CACNA1A: variants seen among roughly 807,000 people sequenced by gnomAD.
The protein encoded by CACNA1A is voltage-dependent P/Q-type calcium channel subunit alpha-1A.
CACNA1A carries 57 observed loss-of-function variants against 262.4 expected under a neutral mutation model. The observed-to-expected ratio is 0.22, with a 90% CI of 0.18 to 0.27. The LOEUF (loss-of-function observed/expected upper bound fraction) is 0.27, where lower values mean the gene tolerates loss of function less well. Among genes scored for constraint, CACNA1A ranks in the 10% least tolerant of loss-of-function variants. The pLI is 1.00. For synonymous variants in CACNA1A, 1,431 were observed against 1,419.3 expected (o/e 1.01, Z -0.18); for missense variants, 2,526 against 3,562.8 (o/e 0.71, Z 7.41).
At chr19:13,297,500 C>T (rs2057688827) in intron 19 of CACNA1A, among the ~76,000 whole-genome samples, 1 of 152,102 alleles carries the variant, frequency 6.6e-6, no homozygotes, top group African/African-American at 2.4e-5. Context: ...AGAGCCAGGC[C>T]TCATTTCTAC....
chr19:13,298,509 C>A, intron 19 of CACNA1A, 35 bp downstream of exon 19: 2 of 1,499,298 alleles, frequency 1.3e-6, no homozygotes, highest in Non-Finnish European at 1.8e-6. Context: ...TTAATGTTAC[C>A]GTCATTCTGC....
intron 19 of CACNA1A, among the ~76,000 whole-genome samples, chr19:13,288,277 T>C (rs2144896442): frequency 6.6e-6 from 1 of 151,942 alleles, no homozygotes; most frequent in East Asian, 1.9e-4. Flanking sequence ...CCTCACTCTG[T>C]TGCCCAGGCT....
Position 13,277,128 on chromosome 19 carries a change from C to A in CACNA1A, c.3823G>T (p.Val1275Leu). 6.2e-7 allele frequency: 1 copy of A among 1,610,744 alleles called. No homozygotes were observed. Among genetic ancestry groups the A allele is most frequent in the Non-Finnish European group, 8.5e-7 (1 of 1,177,108 alleles). Residue 1275 changes from valine to leucine, a missense_variant and splice_region_variant, in exon 23 of 47, where the codon GTG becomes TTG. Transcript: ENST00000360228. ...AAAACGTAGTCAAAGTATCGCAGCA[C>A]CTGTAAGGGATAAAAGCAAGAGAGC... The part of the protein sequence containing the change: ...PVQPNAPRNN[V>L]LRYFDYVFTG...
intron 27 of CACNA1A, chr19:13,258,393 G>T (rs2056630186): frequency 6.6e-6 from 1 of 152,190 alleles, no homozygotes; most frequent in African/African-American, 2.4e-5. Flanking sequence ...AGTGCAGGTT[G>T]CACACTGCTC....
intron 24 of CACNA1A, 91 bp downstream of exon 24, chr19:13,275,759 G>A (rs1201682928): frequency 4.5e-6 from 4 of 879,398 alleles, no homozygotes; most frequent in Non-Finnish European, 7.5e-6. Context: ...CCCATCCCTA[G>A]ACCCTGAGAA....
At position 13,298,766 on chromosome 19, in the gene CACNA1A, C is replaced by G; in HGVS notation, c.2867G>C (p.Arg956Pro). The change falls in exon 19 of 47, where the codon CGA (arginine) becomes CCA (proline). Residue 956 changes from arginine to proline, a missense_variant. This residue lies in a region of CACNA1A where 765 missense variants were observed against 748.6 expected (regional missense o/e 1.02). Coordinates refer to ENST00000360228, the MANE Select transcript of CACNA1A (RefSeq NM_001127222.2). The stretch of plus-strand genomic sequence containing the variant: ...GGGCCTGCGGTGCGCGCGATGACGT[C>G]GATGCTCCCCGTCCGCGCCCGTGCG... ...SPRTGADGEH[R>P]RHRAHRRPGE... 5 of 1,520,648 alleles carry G rather than the reference C, an allele frequency of 3.3e-6. No homozygotes were observed. Among genetic ancestry groups the G allele is most frequent in the Middle Eastern group, 2.1e-4 (1 of 4,818 alleles). The allele number at this position is 1,520,648 out of a possible 1,614,324, so 94.2% of individuals were successfully genotyped here. A position where few individuals can be genotyped will look rare whatever the true frequency, so the allele number is the denominator to read the frequency against.
chr19:13,253,355 T>TAA, intron 29 of CACNA1A, among the ~76,000 whole-genome samples: 1 of 151,130 alleles, frequency 6.6e-6, no homozygotes, highest in Admixed American at 6.6e-5. Context: ...CTTCCTATTT[T>TAA]GCCCAGGCTG....
intron 2 of CACNA1A, among the ~76,000 whole-genome samples, chr19:13,453,600 T>A (rs1025744326): frequency 2.0e-5 from 3 of 152,254 alleles, no homozygotes; most frequent in Non-Finnish European, 4.4e-5. Context: ...AGGTTTGGAA[T>A]AGGACTTCTG....
chr19:13,312,262 A>T (rs575803523), intron 12 of CACNA1A, among the ~76,000 whole-genome samples: 2 of 152,248 alleles, frequency 1.3e-5, no homozygotes, highest in Non-Finnish European at 2.9e-5. Context: ...GTTGTAATCT[A>T]ACAATTATAC....
intron 24 of CACNA1A, among the ~76,000 whole-genome samples, chr19:13,269,858 G>A (rs1274064892): frequency 1.3e-5 from 2 of 152,198 alleles, no homozygotes; most frequent in Non-Finnish European, 2.9e-5. Context: ...CCCTTGGTGG[G>A]ACCACAGGGA....
chr19:13,449,068 G>A (rs536500096), intron 3 of CACNA1A, among the ~76,000 whole-genome samples: 4 of 151,978 alleles, frequency 2.6e-5, no homozygotes, highest in African/African-American at 7.2e-5. Flanking sequence ...CTGGGCTCAC[G>A]TGATCCTCCC....
At position 13,356,090 on chromosome 19, in the gene CACNA1A, G is replaced by C. The variant is rs189250555; in HGVS notation, c.978+3516C>G. The stretch of plus-strand genomic sequence containing the variant: ...AGTGCTAGAAAGCTACTCTGAGTTA[G>C]TGGTTAATAGCAGGGCCAGCGAGGG... On this transcript the variant is annotated intron_variant, in intron 6 of 46. Transcript: ENST00000360228. Among the ~76,000 whole-genome samples, 1,070 of 152,328 alleles carry C rather than the reference G, an allele frequency of 7.0e-3. 23 individuals carry two copies. Among genetic ancestry groups the C allele is most frequent in the Admixed American group, 0.047 (719 of 15,288 alleles).
At chr19:13,227,987 C>A (rs2055528708) in intron 36 of CACNA1A, among the ~76,000 whole-genome samples, 1 of 142,392 alleles carries the variant, frequency 7.0e-6, no homozygotes, top group Non-Finnish European at 1.5e-5. Context: ...GATCATAGCT[C>A]ACTGCAGCCT....
intron 3 of CACNA1A, among the ~76,000 whole-genome samples, chr19:13,402,697 CATAA>C (rs1036636162): frequency 2.5e-4 from 37 of 146,682 alleles, no homozygotes; most frequent in African/African-American, 6.5e-4. Context: ...AATTGATCAG[CATAA>C]ATAAATGGAC....
rs1439845382 is a variant in CACNA1A at position 13,298,825 on chromosome 19, C to G, written c.2808G>C (p.Gln936His). The G allele has an allele frequency of 6.3e-7, 1 of 1,575,178 alleles. No individual in the cohort carries two copies. The highest frequency in any genetic ancestry group is 1.1e-5 in the South Asian group (1 of 87,548). ...GDPHRRHVHR[Q>H]GGSRESRSGS... ...CGCTGCGGCTCTCCCTGCTGCCCCCCTGCCGGTGCACGTGCCTCCGGTGGG... is the reference window on the plus strand; with the variant it reads ...CGCTGCGGCTCTCCCTGCTGCCCCCGTGCCGGTGCACGTGCCTCCGGTGGG... The change falls in exon 19 of 47, where the codon CAG (glutamine) becomes CAC (histidine). Residue 936 changes from glutamine (Q) to histidine (H), a missense_variant. By Grantham distance (24) the Gln-to-His change is conservative (BLOSUM62 0). Transcript: ENST00000360228.
In CACNA1A at chr19:13,300,600, C is replaced by T; in HGVS notation, c.2229G>A (p.Lys743=). Residue 743 remains lysine (K), a synonymous_variant, in exon 18 of 47, where the codon AAG becomes AAA. Transcript: ENST00000360228. ...ANQKLALQKA[K]EVAEVSPLSA... is the part of the protein sequence containing the mutation. ...ACAGAGGACTCACTTCTGCCACCTCCTTGGCTTTCTGTAGGGCAAGTTTCT... is the reference window on the plus strand; with the variant it reads ...ACAGAGGACTCACTTCTGCCACCTCTTTGGCTTTCTGTAGGGCAAGTTTCT... 1 of 1,613,926 alleles carries T rather than the reference C, an allele frequency of 6.2e-7. No homozygotes were observed. The highest frequency in any genetic ancestry group is 8.5e-7 in the Non-Finnish European group (1 of 1,179,834).
rs1383324232 is a variant in CACNA1A, at chr19:13,241,428, G to A, written c.4950+3754C>T. ...AGGAGAGCGTCAGGCATCCCACGTT[G>A]GAGAGGCAGGGTGTGGCATGCAATG... On this transcript the variant is annotated intron_variant, in intron 31 of 46. Coordinates refer to ENST00000360228, the MANE Select transcript of CACNA1A (RefSeq NM_001127222.2). The surrounding 1 kb of genome is among the most constrained non-coding windows in gnomAD (Gnocchi z 4.0). 2.4e-6 allele frequency: 2 copies of A among 835,316 alleles called. No homozygotes were observed. Among genetic ancestry groups the A allele is most frequent in the Non-Finnish European group, 4.0e-6 (2 of 505,772 alleles). 51.7% of individuals were successfully genotyped at this position (835,316 alleles called of 1,614,324 possible).
rs2055895939 is a variant in CACNA1A at position 13,236,895 on chromosome 19, T to C, written c.4951-1165A>G. ...GCCATTGTGGGGCTTCAAGGGACCT[T>C]GGTGGGGGGGGTGGGACTCTCGAAG... On this transcript the variant is annotated intron_variant, in intron 31 of 46. Coordinates refer to ENST00000360228, the MANE Select transcript of CACNA1A (RefSeq NM_001127222.2). The surrounding 1 kb of genome is among the most constrained non-coding windows in gnomAD (Gnocchi z 4.6). 6.6e-6 allele frequency among the ~76,000 whole-genome samples: 1 copy of C among 151,386 alleles called. No individual in the cohort carries two copies. The highest frequency in any genetic ancestry group is 6.6e-5 in the Admixed American group (1 of 15,242).
At chr19:13,492,625 C>A (rs753433664) in intron 1 of CACNA1A, among the ~76,000 whole-genome samples, 1 of 151,988 alleles carries the variant, frequency 6.6e-6, no homozygotes, top group Non-Finnish European at 1.5e-5. Flanking sequence ...AACGGCTGGT[C>A]TCAAAACAAA....
Sources: gnomAD v4.1 joint callset for allele counts (sites outside exome capture counted in the v4.1 genomes callset) on GRCh38, gnomAD v4.1.1 for gene constraint, gnomAD v4.1.1 regional missense constraint, Gnocchi (gnomAD v3.1) non-coding constraint, MANE v1.5 for transcripts, NCBI Gene and HGNC (gene_info 2026-07-23, HGNC 2026-07-21) for gene names.